The following GLIS1 variants were observed in gnomAD, a reference collection of about 807,000 sequenced individuals.
GLIS1 encodes zinc finger protein GLIS1.
Under a neutral mutation model 63.8 loss-of-function variants are expected in GLIS1, and 24 were observed. The ratio of observed to expected loss-of-function variants is 0.38; its 90% CI spans 0.27 to 0.53. The LOEUF is 0.53. GLIS1 is among the 20% of genes least tolerant of loss of function. The probability of loss-of-function intolerance (pLI) is 0.85; values close to 1 mark genes in which losing one functional copy is unlikely to be tolerated. For missense variants in GLIS1, 1,036 were observed against 1,074.1 expected, an observed-to-expected ratio of 0.96 and a Z score of 0.50; for synonymous variants, 450 against 482.5, an observed-to-expected ratio of 0.93 and a Z score of 0.88.
At chr1:53,681,132 G>A (rs1003980623) in intron 2 of GLIS1, among the ~76,000 whole-genome samples, 9 of 152,242 alleles carry the variant, frequency 5.9e-5, no homozygotes, top group Non-Finnish European at 1.2e-4. Context: ...TTAAGTTAAA[G>A]AGGAAAACTC....
intron 2 of GLIS1, among the ~76,000 whole-genome samples, chr1:53,607,633 C>G (rs1465349855): frequency 6.6e-6 from 1 of 152,220 alleles, no homozygotes; most frequent in African/African-American, 2.4e-5. Context: ...AAGGCCAGCT[C>G]TATTAGACTT....
rs1468798732 is a variant in GLIS1, at chr1:53,594,324, C to T, written c.1104G>A (p.Gly368=). The T allele has an allele frequency of 1.2e-6, 2 of 1,611,918 alleles. No homozygotes were observed. The highest frequency in any genetic ancestry group is 8.5e-7 in the Non-Finnish European group (1 of 1,179,564). The change falls in exon 4 of 11, where the codon GGG becomes GGA. Residue 368 remains glycine, a synonymous_variant. Coordinates refer to ENST00000628545, the MANE Select transcript of GLIS1 (RefSeq NM_001367484.1). ...AGTCCACCCAGCGGCACGCCTGCCG[C>T]CCGGCCACCACCCTGCCTGCCAGGC... is the stretch of plus-strand genomic sequence containing the variant. The part of the protein sequence containing the change: ...GLGLAGRVVA[G]RQACRWVDCC...
intron 4 of GLIS1, among the ~76,000 whole-genome samples, chr1:53,536,817 G>A (rs1004492433): frequency 1.3e-5 from 2 of 152,152 alleles, no homozygotes; most frequent in Non-Finnish European, 2.9e-5. Flanking sequence ...TGGGAAGGGA[G>A]GATGCCCACA....
chr1:53,737,241 G>C (rs1241342660), intron 2 of GLIS1, among the ~76,000 whole-genome samples: 1 of 152,212 alleles, frequency 6.6e-6, no homozygotes, highest in Non-Finnish European at 1.5e-5. Flanking sequence ...CTAGGCTGCC[G>C]AAGCACCAAG....
At position 53,524,836 on chromosome 1, in the gene GLIS1, T is replaced by C; in HGVS notation, c.1534A>G (p.Ser512Gly). ...GCCTTGACGTGCTTGCGGAGGGAGC[T>C]GGGGTCTGTGTAGCGCTTGGAGCAG... ...PGCSKRYTDPSSLRKHVKAHS... is the reference protein window; with the variant it reads ...PGCSKRYTDPGSLRKHVKAHS... Residue 512 changes from serine to glycine, a missense_variant, in exon 6 of 11, where the codon AGC becomes GGC. By Grantham distance (56) the Ser-to-Gly change is moderately conservative. This residue lies in a region of GLIS1 where 400 missense variants were observed against 400.9 expected (regional missense o/e 1.00). Coordinates refer to ENST00000628545, the MANE Select transcript of GLIS1 (RefSeq NM_001367484.1). 1 of 1,609,980 alleles carries C rather than the reference T, an allele frequency of 6.2e-7. No individual in the cohort carries two copies. The highest frequency in any genetic ancestry group is 8.5e-7 in the Non-Finnish European group (1 of 1,177,464).
intron 4 of GLIS1, among the ~76,000 whole-genome samples, chr1:53,559,596 G>C (rs1363902949): frequency 6.6e-6 from 1 of 152,154 alleles, no homozygotes; most frequent in Non-Finnish European, 1.5e-5. Flanking sequence ...ATGCGGCTCT[G>C]CTCCCCCTCA....
intron 2 of GLIS1, among the ~76,000 whole-genome samples, chr1:53,606,109 G>A (rs1189775699): frequency 2.0e-5 from 3 of 152,202 alleles, no homozygotes; most frequent in South Asian, 2.1e-4. Flanking sequence ...GGGATGGCTG[G>A]CTCTTAGGAT....
At chr1:53,708,412 T>G (rs936075995) in intron 2 of GLIS1, among the ~76,000 whole-genome samples, 4 of 152,212 alleles carry the variant, frequency 2.6e-5, no homozygotes, top group African/African-American at 7.2e-5. Flanking sequence ...CTCAAAATAG[T>G]ATTAATATAT....
At chr1:53,621,404 C>A (rs372802062) in intron 2 of GLIS1, among the ~76,000 whole-genome samples, 2 of 152,258 alleles carry the variant, frequency 1.3e-5, no homozygotes, top group Non-Finnish European at 2.9e-5. Context: ...GTGGGCCTCA[C>A]AGCCCGGCCC....
At chr1:53,647,883 A>C (rs1401736485) in intron 2 of GLIS1, among the ~76,000 whole-genome samples, 1 of 152,230 alleles carries the variant, frequency 6.6e-6, no homozygotes, top group Non-Finnish European at 1.5e-5. Flanking sequence ...TCAATTAAAA[A>C]AAACTTCCCC....
rs192935413 is a variant in GLIS1 at position 53,583,957 on chromosome 1, G to T, written c.1320+10151C>A. Among the ~76,000 whole-genome samples, 398 of 152,226 alleles carry T rather than the reference G, an allele frequency of 2.6e-3. 1 individual carries two copies. The highest frequency in any genetic ancestry group is 4.2e-3 in the Non-Finnish European group (288 of 68,028). ...GGACCCAGCTCCATTACCCAAACAT[G>T]TGCAGACACTGTGCCCCAGCACGAC... On this transcript the variant is annotated intron_variant, in intron 4 of 10. Coordinates refer to ENST00000628545, the MANE Select transcript of GLIS1 (RefSeq NM_001367484.1).
intron 2 of GLIS1, among the ~76,000 whole-genome samples, chr1:53,734,506 C>G (rs1415074367): frequency 6.6e-6 from 1 of 152,206 alleles, no homozygotes; most frequent in Admixed American, 6.5e-5. Flanking sequence ...CAGCTGGAAG[C>G]CTGGAAACTG....
At chr1:53,515,518 T>A (rs939109628) in intron 7 of GLIS1, among the ~76,000 whole-genome samples, 5 of 151,984 alleles carry the variant, frequency 3.3e-5, no homozygotes, top group African/African-American at 4.8e-5. Flanking sequence ...CATTCTAGTC[T>A]CAGATTCTAA....
In GLIS1 at chr1:53,661,530, C is replaced by A. The variant is rs571732368; in HGVS notation, c.260-61252G>T. 5.9e-5 allele frequency among the ~76,000 whole-genome samples: 9 copies of A among 152,312 alleles called. No homozygotes were observed. The South Asian group carries it at 1.9e-3, about 32-fold the overall frequency. Reference sequence around the variant, plus strand: ...GACTTCCCTAGACCACTCCAGAGGCCCACACAGTTGGAAATCTCTTAAAGG... The same window carrying A: ...GACTTCCCTAGACCACTCCAGAGGCACACACAGTTGGAAATCTCTTAAAGG... On this transcript the variant is annotated intron_variant, in intron 2 of 10. Transcript: ENST00000628545.
chr1:53,698,354 A>G (rs1646488367), intron 2 of GLIS1, among the ~76,000 whole-genome samples: 1 of 152,174 alleles, frequency 6.6e-6, no homozygotes, highest in Non-Finnish European at 1.5e-5. Flanking sequence ...CAGGAACAGG[A>G]GCCAACTCGA....
intron 4 of GLIS1, among the ~76,000 whole-genome samples, chr1:53,565,134 C>T (rs1330234229): frequency 5.9e-5 from 9 of 151,984 alleles, no homozygotes; most frequent in African/African-American, 1.9e-4. Flanking sequence ...AGGCCCACTG[C>T]ATCAATCAAA....
intron 2 of GLIS1, among the ~76,000 whole-genome samples, chr1:53,730,771 G>A (rs948294835): frequency 6.6e-6 from 1 of 152,098 alleles, no homozygotes; most frequent in African/African-American, 2.4e-5. Flanking sequence ...ATGAATGCAC[G>A]TGCAAGGCCA....
intron 2 of GLIS1, among the ~76,000 whole-genome samples, chr1:53,617,019 G>A (rs918943862): frequency 2.0e-5 from 3 of 151,894 alleles, no homozygotes; most frequent in Non-Finnish European, 2.9e-5. Flanking sequence ...ACCCCATGGG[G>A]CTTCATGCAA....
chr1:53,548,327 A>G (rs1644725278), intron 4 of GLIS1, among the ~76,000 whole-genome samples: 1 of 152,204 alleles, frequency 6.6e-6, no homozygotes, highest in Non-Finnish European at 1.5e-5. Flanking sequence ...GTCTGCACAC[A>G]GCACTGAGTG....
Sources: allele counts gnomAD v4.1 joint callset (sites outside exome capture counted in the v4.1 genomes callset), GRCh38; gene constraint gnomAD v4.1.1; regional missense constraint gnomAD v4.1.1; transcripts MANE v1.5; gene names NCBI Gene and HGNC (gene_info 2026-07-23, HGNC 2026-07-21).